Variants in DALRD3 observed in about 807,000 individuals in gnomAD.
The protein encoded by DALRD3 is DALR anticodon-binding domain-containing protein 3.
A neutral mutation model predicts 56.7 loss-of-function variants in DALRD3; 47 were observed. The observed-to-expected ratio is 0.83, with a 90% CI of 0.66 to 1.06. The LOEUF is 1.06. Among genes scored for constraint, DALRD3 ranks in the 50% least tolerant of loss-of-function variants. The pLI is 0.00. For synonymous variants in DALRD3, 347 were observed against 308.5 expected (o/e 1.12, Z -1.31); for missense variants, 787 against 724.0 (o/e 1.09, Z -1.00).
In DALRD3 at chr3:49,018,091, T is replaced by C; in HGVS notation, c.393A>G (p.Ala131=). Residue 131 remains alanine, a synonymous_variant, in exon 2 of 12, where the codon GCA becomes GCG. Transcript: ENST00000341949. ...HCPALRSSPC[A]LRLSQLRTVL... ...CCGTACGCAGCTGGCTCAAGCGGAG[T>C]GCGCAGGGGGAGCTGCGCAGTGCTG... 2 of 1,487,866 alleles carry C rather than the reference T, an allele frequency of 1.3e-6. No individual in the cohort carries two copies. The highest frequency in any genetic ancestry group is 1.8e-6 in the Non-Finnish European group (2 of 1,128,036). The allele number at this position is 1,487,866 out of a possible 1,614,324, so 92.2% of individuals were successfully genotyped here.
At chr3:49,018,756 G>T (rs993923477), upstream of DALRD3, 1 of 985,268 alleles carries the variant, frequency 1.0e-6, no homozygotes, top group African/African-American at 1.7e-5. Context: ...TGCACAGCCG[G>T]GCCCCGGATC....
At position 49,015,519 on chromosome 3, in the gene DALRD3, C is replaced by T. The variant is rs1041189385; in HGVS notation, c.*69G>A. 79 of 1,597,398 alleles carry T rather than the reference C, an allele frequency of 4.9e-5. No individual in the cohort carries two copies. The highest frequency in any genetic ancestry group is 1.7e-4 in the Middle Eastern group (1 of 5,994). ...ACAAACAGTACCAATTTATTTTGGCCGTGGGTTTTTGCTTTTTTTCCAGTT... is the reference window on the plus strand; with the variant it reads ...ACAAACAGTACCAATTTATTTTGGCTGTGGGTTTTTGCTTTTTTTCCAGTT... On this transcript the variant is annotated 3_prime_UTR_variant, in exon 12 of 12. Coordinates refer to ENST00000341949, the MANE Select transcript of DALRD3 (RefSeq NM_001009996.3).
At position 49,015,659 on chromosome 3, in the gene DALRD3, G is replaced by A; in HGVS notation, c.1561C>T (p.Leu521=). 6.2e-7 allele frequency: 1 copy of A among 1,614,204 alleles called. No individual in the cohort carries two copies. Among genetic ancestry groups the A allele is most frequent in the Non-Finnish European group, 8.5e-7 (1 of 1,180,038 alleles). The stretch of plus-strand genomic sequence containing the variant: ...TGGAGCACCTCACGCACAGCTCTCA[G>A]AAGCTGCAGGCGGACGAACATCTGA... ...FGQMFVRLQL[L]RAVREVLHTG... The change falls in exon 12 of 12, where the codon CTG becomes TTG. Residue 521 remains leucine, a synonymous_variant. Transcript: ENST00000341949.
At position 49,015,681 on chromosome 3, in the gene DALRD3, C is replaced by G; in HGVS notation, c.1539G>C (p.Gln513His). The change falls in exon 12 of 12, where the codon CAG (glutamine) becomes CAC (histidine). Residue 513 changes from glutamine (Q) to histidine (H), a missense_variant. Physicochemically the swap from Gln to His is conservative, Grantham distance 24. Coordinates refer to ENST00000341949, the MANE Select transcript of DALRD3 (RefSeq NM_001009996.3). ...TCAGAAGCTGCAGGCGGACGAACAT[C>G]TGACCAAAGAGGTGTGGTCGAGGCT... ...LGEPRPHLFG[Q>H]MFVRLQLLRA... 2 of 1,614,180 alleles carry G rather than the reference C, an allele frequency of 1.2e-6. No homozygotes were observed. The highest frequency in any genetic ancestry group is 2.2e-5 in the South Asian group (2 of 91,084).
chr3:49,021,364 G>A (rs995979714), upstream of DALRD3: 1 of 152,586 alleles, frequency 6.6e-6, no homozygotes, highest in African/African-American at 2.4e-5. The surrounding 1 kb of genome is among the most constrained non-coding windows in gnomAD (Gnocchi z 4.1). Flanking sequence ...GGGGACGGGG[G>A]ACTCCCAGGA....
intron 11 of DALRD3, 32 bp from the exon 12 acceptor site, chr3:49,015,739 T>C (rs1217235709): frequency 6.2e-7 from 1 of 1,614,012 alleles, no homozygotes; most frequent in Non-Finnish European, 8.5e-7. Context: ...GGTCTCATCC[T>C]CTGCTTCCTT....
At chr3:49,019,313 TG>T (rs2093131238), upstream of DALRD3, among the ~76,000 whole-genome samples, 1 of 151,678 alleles carries the variant, frequency 6.6e-6, no homozygotes, top group Non-Finnish European at 1.5e-5. Flanking sequence ...CCTCGTGACC[TG>T]CCCGCCTCGG....
upstream of DALRD3, chr3:49,018,599 A>G (rs765527693): frequency 4.0e-6 from 6 of 1,513,176 alleles, no homozygotes; most frequent in Admixed American, 4.6e-5. Context: ...CCGGAAAAAA[A>G]TTTAGGGAGG....
chr3:49,018,013 C>A lies in DALRD3; in HGVS notation c.461+10G>T, dbSNP rs765790596. The stretch of plus-strand genomic sequence containing the variant: ...CACTTTCTCCATTCCGGCCCCGCGG[C>A]CCCGCTCACCCGTGAGCGCGCAGGG... On this transcript the variant is annotated intron_variant, in intron 2 of 11. Coordinates refer to ENST00000341949, the MANE Select transcript of DALRD3 (RefSeq NM_001009996.3). 1.4e-5 allele frequency: 21 copies of A among 1,479,098 alleles called. No individual in the cohort carries two copies. The highest frequency in any genetic ancestry group is 2.4e-5 in the East Asian group (1 of 42,456). The allele number at this position is 1,479,098 out of a possible 1,614,324, so 91.6% of individuals were successfully genotyped here.
At chr3:49,020,108 C>T (rs752038643), upstream of DALRD3, 5 of 533,448 alleles carry the variant, frequency 9.4e-6, no homozygotes, top group South Asian at 7.0e-5. Context: ...TTGGCAAGGC[C>T]CCTTTCTGGG....
rs2093067089 is a variant in DALRD3, at chr3:49,016,220, G to C, written c.1267C>G (p.Gln423Glu). Residue 423 changes from glutamine to glutamate, a missense_variant, in exon 9 of 12, where the codon CAA becomes GAA. Gln to Glu is a conservative substitution (Grantham distance 29). Coordinates refer to ENST00000341949, the MANE Select transcript of DALRD3 (RefSeq NM_001009996.3). ...LFESYKCSMEQGLYPTFPPVS... is the reference protein window; with the variant it reads ...LFESYKCSMEEGLYPTFPPVS... ...GGAGGAAAAGTGGGGTACAGACCTT[G>C]TTCCATACTACACTTGTAACTCTCA... 1 of 1,614,078 alleles carries C rather than the reference G, an allele frequency of 6.2e-7. No individual in the cohort carries two copies. Among genetic ancestry groups the C allele is most frequent in the African/African-American group, 1.3e-5 (1 of 74,922 alleles).
rs763293896 is a variant in DALRD3 at position 49,016,244 on chromosome 3, C to CAAAG, written c.1239_1242dup (p.Glu415LeufsTer2). The CAAAG allele has an allele frequency of 7.4e-6, 12 of 1,614,154 alleles. No homozygotes were observed. The East Asian group carries it at 1.8e-4, about 24-fold the overall frequency. Reference sequence around the variant, plus strand: ...TGTTCCATACTACACTTGTAACTCTCAAAGAGTGTGGCAAGACGGGCACAA... The same window carrying CAAAG: ...TGTTCCATACTACACTTGTAACTCTCAAAGAAAGAGTGTGGCAAGACGGGCACAA... On this transcript the variant is annotated frameshift_variant, in exon 9 of 12. Transcript: ENST00000341949. LOFTEE classifies it high-confidence loss of function.
In DALRD3 at chr3:49,017,791, G is replaced by A. The variant is rs2093106156; in HGVS notation, c.540C>T (p.Pro180=). The A allele has an allele frequency of 2.5e-6, 4 of 1,613,384 alleles. No homozygotes were observed. The highest frequency in any genetic ancestry group is 2.2e-5 in the South Asian group (2 of 91,086). Residue 180 remains proline (P), a synonymous_variant, in exon 3 of 12, where the codon CCC becomes CCT. Transcript: ENST00000341949. The part of the protein sequence containing the change: ...TFLQQLRVDW[P]AASERASSHT... ...GGGAGGAAGCTCTCTCCGAGGCAGC[G>A]GGCCAGTCCACCCGCAGTTGCTGCA...
upstream of DALRD3, chr3:49,018,681 C>T: frequency 7.0e-7 from 1 of 1,423,366 alleles, no homozygotes; most frequent in Non-Finnish European, 9.1e-7. Context: ...GACAGGTGCG[C>T]CAGTGGTAGC....
In DALRD3 at chr3:49,018,527, C is replaced by A; in HGVS notation, c.38G>T (p.Gly13Val). ...TRRLGVGETL[G>V]ALNAALGPGG... ...TGGCCCCAGGGCCGCGTTGAGGGCC[C>A]CCAGCGTCTCCCCGACCCCAAGGCG... The change falls in exon 1 of 12, where the codon GGG (glycine) becomes GTG (valine). Residue 13 changes from glycine (G) to valine (V), a missense_variant. Gly to Val is a moderately radical substitution (Grantham distance 109, BLOSUM62 -3). Coordinates refer to ENST00000341949, the MANE Select transcript of DALRD3 (RefSeq NM_001009996.3). 1.9e-6 allele frequency: 3 copies of A among 1,582,902 alleles called. No individual in the cohort carries two copies. Among genetic ancestry groups the A allele is most frequent in the Non-Finnish European group, 2.6e-6 (3 of 1,164,570 alleles).
chr3:49,016,789 G>A lies in DALRD3; in HGVS notation c.986C>T (p.Ala329Val), dbSNP rs2093083191. The A allele has an allele frequency of 1.9e-6, 3 of 1,614,068 alleles. No individual in the cohort carries two copies. The highest frequency in any genetic ancestry group is 2.5e-6 in the Non-Finnish European group (3 of 1,180,040). ...CCTCACTCACTCGTAGTACTCAGGG[G>A]CAGTCATCAGAGTGCCAGGTGCACC... is the stretch of plus-strand genomic sequence containing the variant. ...VAGAPGTLMT[A>V]PEYYEFRHTQ... Residue 329 changes from alanine (A) to valine (V), a missense_variant, in exon 6 of 12, where the codon GCC (alanine) becomes GTC (valine). Transcript: ENST00000341949.
At chr3:49,019,850 G>C (rs550468906), upstream of DALRD3, among the ~76,000 whole-genome samples, 5 of 152,326 alleles carry the variant, frequency 3.3e-5, no homozygotes, top group East Asian at 1.9e-4. Flanking sequence ...TCCTGTTTTA[G>C]GCAACAGCCA....
chr3:49,018,599 AT>A (rs1559908362), upstream of DALRD3: 1 of 1,513,294 alleles, frequency 6.6e-7, no homozygotes, highest in Admixed American at 2.3e-5. Flanking sequence ...CCGGAAAAAA[AT>A]TTAGGGAGGT....
chr3:49,018,208 G>T lies in DALRD3; in HGVS notation c.276C>A (p.Ser92=). 6.9e-7 allele frequency: 1 copy of T among 1,445,366 alleles called. No individual in the cohort carries two copies. Among genetic ancestry groups the T allele is most frequent in the Non-Finnish European group, 9.0e-7 (1 of 1,110,002 alleles). 89.5% of individuals were successfully genotyped at this position (1,445,366 alleles called of 1,614,324 possible). A position where few individuals can be genotyped will look rare whatever the true frequency, so the allele number is the denominator to read the frequency against. The change falls in exon 2 of 12, where the codon TCC becomes TCA. Residue 92 remains serine, a synonymous_variant. Transcript: ENST00000341949. ...CGCTGAGGACGCGCTCGAAGACGGC[G>T]GACCGCTGCAGTTGGAGAGACAGAC... ...PAGLSLQLQR[S]AVFERVLSAV... is the part of the protein sequence containing the mutation.
Sources: allele counts gnomAD v4.1 joint callset (sites outside exome capture counted in the v4.1 genomes callset), GRCh38; gene constraint gnomAD v4.1.1; non-coding constraint Gnocchi (gnomAD v3.1); transcripts MANE v1.5; gene names NCBI Gene and HGNC (gene_info 2026-07-23, HGNC 2026-07-21).